The following NUMB variants were observed in gnomAD, a reference collection of about 807,000 sequenced individuals.
NUMB encodes NUMB endocytic adaptor protein.
In NUMB, 29 loss-of-function variants were observed where a neutral mutation model predicts 59.7. The observed-to-expected ratio is 0.49, with a 90% CI of 0.36 to 0.66. NUMB has a LOEUF of 0.66. Ranked by LOEUF, NUMB falls within the 30% of genes least tolerant of loss-of-function variation. NUMB has a pLI of 0.00. For missense variants in NUMB, 723 were observed against 822.0 expected, an observed-to-expected ratio of 0.88 and a Z score of 1.47; for synonymous variants, 288 against 288.2, an observed-to-expected ratio of 1.00 and a Z score of 0.01.
intron 12 of NUMB, among the ~76,000 whole-genome samples, chr14:73,278,068 A>AAC (rs1566722143): frequency 1.3e-5 from 2 of 150,614 alleles, no homozygotes; most frequent in South Asian, 2.1e-4. Context: ...AAAAAAAAAA[A>AAC]CACCTAGCTT....
chr14:73,393,770 C>T (rs896958430), intron 2 of NUMB, among the ~76,000 whole-genome samples: 2 of 152,182 alleles, frequency 1.3e-5, no homozygotes, highest in African/African-American at 2.4e-5. Flanking sequence ...AAAGCACTTT[C>T]ATTTTATTGT....
chr14:73,380,721 TTAG>T (rs1344945150), intron 2 of NUMB, among the ~76,000 whole-genome samples: 1 of 135,984 alleles, frequency 7.4e-6, no homozygotes, highest in East Asian at 2.4e-4. Flanking sequence ...CATTCATCAA[TTAG>T]TTTTTTTTTT....
chr14:73,414,142 A>G (rs753316916), intron 1 of NUMB, among the ~76,000 whole-genome samples: 30 of 151,926 alleles, frequency 2.0e-4, no homozygotes, highest in Non-Finnish European at 3.7e-4. Context: ...TTTTTAGTAG[A>G]GACGGGGTTT....
chr14:73,296,422 C>A (rs1345387218), intron 7 of NUMB, among the ~76,000 whole-genome samples: 7 of 129,156 alleles, frequency 5.4e-5, no homozygotes, highest in Admixed American at 3.4e-4. Flanking sequence ...GCCTGGGCAA[C>A]AAGAGTGAAA....
chr14:73,372,305 T>TTATATATATA (rs3028704), intron 2 of NUMB, among the ~76,000 whole-genome samples: 2,455 of 85,778 alleles, frequency 0.029, 62 homozygotes, highest in East Asian at 0.044. Flanking sequence ...TATATTTCTT[T>TTATATATATA]TATATATATA....
chr14:73,325,663 T>C (rs1891622401), intron 4 of NUMB, among the ~76,000 whole-genome samples: 1 of 152,126 alleles, frequency 6.6e-6, no homozygotes, highest in Non-Finnish European at 1.5e-5. Flanking sequence ...TAGCCAGAAA[T>C]CCAAAAGCGA....
At chr14:73,320,253 T>C (rs976196047) in intron 5 of NUMB, among the ~76,000 whole-genome samples, 1 of 152,218 alleles carries the variant, frequency 6.6e-6, no homozygotes, top group Non-Finnish European at 1.5e-5. Context: ...AAACTACATA[T>C]AACATTTGCT....
At chr14:73,372,019 G>C (rs556364270) in intron 2 of NUMB, among the ~76,000 whole-genome samples, 29 of 152,028 alleles carry the variant, frequency 1.9e-4, no homozygotes, top group African/African-American at 7.0e-4. Flanking sequence ...ATCACTTGAG[G>C]TCAGGAGCTG....
intron 10 of NUMB, among the ~76,000 whole-genome samples, chr14:73,282,915 T>A (rs534535625): frequency 6.6e-6 from 1 of 152,340 alleles, no homozygotes; most frequent in African/African-American, 2.4e-5. Flanking sequence ...CTGGAGCCTT[T>A]AGTAATTCTG....
intron 2 of NUMB, among the ~76,000 whole-genome samples, chr14:73,404,455 T>C (rs548733944): frequency 6.6e-6 from 1 of 152,206 alleles, no homozygotes; most frequent in East Asian, 1.9e-4. Flanking sequence ...TGCTCAAGTA[T>C]TTAGAGGTAA....
At chr14:73,280,686 ATT>A (rs397852698) in intron 11 of NUMB, among the ~76,000 whole-genome samples, 19,735 of 86,874 alleles carry the variant, frequency 0.23, 907 homozygotes, top group Admixed American at 0.25. Flanking sequence ...TGTTGGTACT[ATT>A]TTTTTTTTTT....
intron 2 of NUMB, among the ~76,000 whole-genome samples, chr14:73,371,664 T>C (rs1894679795): frequency 6.6e-6 from 1 of 152,126 alleles, no homozygotes; most frequent in Non-Finnish European, 1.5e-5. Flanking sequence ...AATGTTACAG[T>C]ATTAAGAGGT....
chr14:73,368,476 G>A (rs144920770), intron 2 of NUMB, among the ~76,000 whole-genome samples: 5,748 of 151,960 alleles, frequency 0.038, 165 homozygotes, highest in Middle Eastern at 0.11. Flanking sequence ...CCAGCTACTC[G>A]GGAGGCTGAG....
chr14:73,417,506 C>T lies in NUMB; in HGVS notation c.-232-7438G>A, dbSNP rs138821334. Among the ~76,000 whole-genome samples the T allele has an allele frequency of 3.6e-3, 537 of 150,418 alleles. 1 individual carries two copies. Among genetic ancestry groups the T allele is most frequent in the Middle Eastern group, 6.8e-3 (2 of 292 alleles). The stretch of plus-strand genomic sequence containing the variant: ...CTCCTGTTTCACTGTGAGCCAAGGT[C>T]GAGCCACTGCACTCCAGCCTGGGTG... On this transcript the variant is annotated intron_variant, in intron 1 of 12. Transcript: ENST00000555238.
intron 11 of NUMB, among the ~76,000 whole-genome samples, chr14:73,279,806 A>G (rs1888487711): frequency 1.3e-5 from 2 of 152,236 alleles, no homozygotes; most frequent in Admixed American, 6.5e-5. Flanking sequence ...TGAAGTAGGT[A>G]TAGCATTTCC....
rs535794314 is a variant in NUMB, at chr14:73,301,227, A to G, written c.235-3942T>C. ...TATACAACATTGCCAAATGGCACTG[A>G]CAATCCTAAGATATTTAAATTTGCA... On this transcript the variant is annotated intron_variant, in intron 6 of 12. Coordinates refer to ENST00000555238, the MANE Select transcript of NUMB (RefSeq NM_001005743.2). Among the ~76,000 whole-genome samples, 5 of 152,382 alleles carry G rather than the reference A, an allele frequency of 3.3e-5. 1 individual carries two copies. In the South Asian group the frequency reaches 1.0e-3, roughly 32 times the overall value.
At chr14:73,307,522 G>A (rs1436885452) in intron 6 of NUMB, among the ~76,000 whole-genome samples, 1 of 152,006 alleles carries the variant, frequency 6.6e-6, no homozygotes, top group Non-Finnish European at 1.5e-5. Context: ...AGGTGAAAGC[G>A]TGCCTGGTTT....
intron 6 of NUMB, among the ~76,000 whole-genome samples, chr14:73,314,720 A>G (rs1030014283): frequency 3.3e-5 from 5 of 152,038 alleles, no homozygotes; most frequent in African/African-American, 1.2e-4. Flanking sequence ...CTTATCTTAT[A>G]TAGCTTATCG....
At position 73,284,146 on chromosome 14, in the gene NUMB, G is replaced by T; in HGVS notation, c.884C>A (p.Ser295Tyr). ...QKMSPFKRQL[S>Y]LRINELPSTM... ...GGAAGGCAACTCATTGATGCGTAGGGATAGTTGGCGTTTAAAGGGTGACAT... is the reference window on the plus strand; with the variant it reads ...GGAAGGCAACTCATTGATGCGTAGGTATAGTTGGCGTTTAAAGGGTGACAT... Residue 295 changes from serine to tyrosine, a missense_variant, in exon 10 of 13, where the codon TCC becomes TAC. Coordinates refer to ENST00000555238, the MANE Select transcript of NUMB (RefSeq NM_001005743.2). 8.7e-6 allele frequency: 14 copies of T among 1,614,198 alleles called. No homozygotes were observed. Among genetic ancestry groups the T allele is most frequent in the Non-Finnish European group, 1.2e-5 (14 of 1,180,028 alleles).
Sources: gnomAD v4.1 joint callset for allele counts (sites outside exome capture counted in the v4.1 genomes callset) on GRCh38, gnomAD v4.1.1 for gene constraint, MANE v1.5 for transcripts, NCBI Gene and HGNC (gene_info 2026-07-23, HGNC 2026-07-21) for gene names.